SNTG1: variants seen among roughly 807,000 people sequenced by gnomAD.
SNTG1 encodes the protein syntrophin gamma 1.
SNTG1 carries 39 observed loss-of-function variants against 74.7 expected under a neutral mutation model. The ratio of observed to expected loss-of-function variants is 0.52; its 90% CI spans 0.40 to 0.68. The LOEUF (loss-of-function observed/expected upper bound fraction) is 0.68, where lower values mean the gene tolerates loss of function less well. Ranked by LOEUF, SNTG1 falls within the 30% of genes least tolerant of loss-of-function variation. The pLI, the probability that SNTG1 is intolerant of heterozygous loss-of-function variation, is 0.00. For missense variants in SNTG1, 685 were observed against 609.5 expected, an observed-to-expected ratio of 1.12 and a Z score of -1.30; for synonymous variants, 254 against 217.1, an observed-to-expected ratio of 1.17 and a Z score of -1.49.
intron 2 of SNTG1, among the ~76,000 whole-genome samples, chr8:50,250,634 C>T (rs2086605974): frequency 1.3e-5 from 2 of 152,012 alleles, no homozygotes. Flanking sequence ...AGAATCTCTG[C>T]ATGCCAGGAA....
At chr8:50,089,259 G>A (rs1488910393) in intron 1 of SNTG1, among the ~76,000 whole-genome samples, 4 of 152,112 alleles carry the variant, frequency 2.6e-5, no homozygotes, top group Non-Finnish European at 5.9e-5. Flanking sequence ...ATTAATTCAA[G>A]ATGGATTAAA....
intron 2 of SNTG1, among the ~76,000 whole-genome samples, chr8:50,186,613 T>C (rs2083393209): frequency 6.6e-6 from 1 of 152,218 alleles, no homozygotes; most frequent in African/African-American, 2.4e-5. Flanking sequence ...TTTACATGTC[T>C]CTAATGATCA....
intron 4 of SNTG1, 97 bp downstream of exon 4, chr8:50,402,441 T>A: frequency 7.2e-7 from 1 of 1,392,544 alleles, no homozygotes; most frequent in Non-Finnish European, 9.7e-7. Flanking sequence ...TTTCTTTCAG[T>A]GTCTAGTCAA....
At chr8:50,769,052 T>C (rs1253067455) in intron 18 of SNTG1, among the ~76,000 whole-genome samples, 1 of 151,956 alleles carries the variant, frequency 6.6e-6, no homozygotes, top group Non-Finnish European at 1.5e-5. Context: ...TATTTTTATT[T>C]TTCATTGATA....
chr8:50,088,585 A>T (rs1041906356), intron 1 of SNTG1, among the ~76,000 whole-genome samples: 6 of 132,334 alleles, frequency 4.5e-5, no homozygotes, highest in African/African-American at 1.5e-4. Context: ...ATGCACAAAA[A>T]TCACAAGCAT....
At chr8:50,101,036 G>A (rs1457925087) in intron 1 of SNTG1, among the ~76,000 whole-genome samples, 1 of 151,994 alleles carries the variant, frequency 6.6e-6, no homozygotes, top group Non-Finnish European at 1.5e-5. Flanking sequence ...ATGGTATTTG[G>A]TTTTCTGTTC....
chr8:50,002,162 T>C (rs1043393773), intron 1 of SNTG1, among the ~76,000 whole-genome samples: 5 of 152,166 alleles, frequency 3.3e-5, no homozygotes, highest in Admixed American at 2.0e-4. Flanking sequence ...GAGAATAAGA[T>C]GTTGCAGGAA....
chr8:50,165,832 A>C, intron 1 of SNTG1, among the ~76,000 whole-genome samples: 1 of 152,310 alleles, frequency 6.6e-6, no homozygotes, highest in Non-Finnish European at 1.5e-5. Context: ...AATGTCATCC[A>C]ATTATGCTGG....
chr8:50,510,281 G>T (rs1198444891), intron 9 of SNTG1, among the ~76,000 whole-genome samples: 2 of 152,132 alleles, frequency 1.3e-5, no homozygotes, highest in Non-Finnish European at 2.9e-5. Context: ...GATCATGTTG[G>T]ATAAGCTTTT....
chr8:50,693,600 G>A (rs1046943966), intron 15 of SNTG1, among the ~76,000 whole-genome samples: 8 of 152,198 alleles, frequency 5.3e-5, no homozygotes, highest in South Asian at 2.1e-4. Context: ...TGAACAATGC[G>A]TTAGACCAAA....
Position 50,522,911 on chromosome 8 carries a change from ATCT to A in SNTG1, c.467-7259_467-7257del, listed in dbSNP as rs778816111. On this transcript the variant is annotated intron_variant, in intron 9 of 18. Transcript: ENST00000642720. ...TTTACCTATGAAAGTCTTAGATGTC[ATCT>A]TCTTCTAATATGAGGCTATTTAATG... Among the ~76,000 whole-genome samples, 7 of 152,262 alleles carry A rather than the reference ATCT, an allele frequency of 4.6e-5. No individual in the cohort carries two copies. The South Asian group carries it at 1.5e-3, about 32-fold the overall frequency.
chr8:50,766,535 G>T (rs2095614430), intron 18 of SNTG1, among the ~76,000 whole-genome samples: 1 of 151,842 alleles, frequency 6.6e-6, no homozygotes, highest in Non-Finnish European at 1.5e-5. Flanking sequence ...ATGAGACCAG[G>T]CTTGTTTTAG....
chr8:50,587,761 A>G lies in SNTG1; in HGVS notation c.811-3118A>G, dbSNP rs2094661044. Among the ~76,000 whole-genome samples, 7 of 145,868 alleles carry G rather than the reference A, an allele frequency of 4.8e-5. No individual in the cohort carries two copies. The South Asian group carries it at 1.5e-3, about 32-fold the overall frequency. On this transcript the variant is annotated intron_variant, in intron 12 of 18. Transcript: ENST00000642720. Reference sequence around the variant, plus strand: ...AATCGCTTGAACCCGGGAGGCGGAGATTGCCAGCCTGGGGGACGAGAGTGA... The same window carrying G: ...AATCGCTTGAACCCGGGAGGCGGAGGTTGCCAGCCTGGGGGACGAGAGTGA...
intron 2 of SNTG1, among the ~76,000 whole-genome samples, chr8:50,277,621 AATAG>A (rs951298464): frequency 1.3e-5 from 2 of 152,152 alleles, no homozygotes; most frequent in Non-Finnish European, 2.9e-5. Context: ...CATTGGTATA[AATAG>A]ATATTCATTC....
chr8:50,654,539 G>T (rs1267596244), intron 13 of SNTG1, among the ~76,000 whole-genome samples: 1 of 152,060 alleles, frequency 6.6e-6, no homozygotes, highest in African/African-American at 2.4e-5. Flanking sequence ...TATCTGAAAT[G>T]CCTAAATATT....
intron 8 of SNTG1, among the ~76,000 whole-genome samples, chr8:50,487,603 T>G (rs1010977512): frequency 6.7e-6 from 1 of 149,770 alleles, no homozygotes; most frequent in Non-Finnish European, 1.5e-5. Flanking sequence ...AACCAAACAC[T>G]GCATATTCTC....
intron 2 of SNTG1, among the ~76,000 whole-genome samples, chr8:50,356,277 C>A (rs1256329953): frequency 4.6e-5 from 7 of 152,012 alleles, no homozygotes; most frequent in Non-Finnish European, 1.0e-4. Context: ...GGGGTTCAAG[C>A]CTCTCTTAAC....
chr8:50,128,122 G>A (rs1200556219), intron 1 of SNTG1, among the ~76,000 whole-genome samples: 1 of 152,022 alleles, frequency 6.6e-6, no homozygotes, highest in Non-Finnish European at 1.5e-5. Context: ...TCTCCACTGA[G>A]GAATCACAAT....
chr8:50,055,262 A>G (rs1311342727), intron 1 of SNTG1, among the ~76,000 whole-genome samples: 1 of 152,122 alleles, frequency 6.6e-6, no homozygotes, highest in Non-Finnish European at 1.5e-5. Context: ...TTAAGACTTT[A>G]TAGTATTTAT....
Sources: allele counts gnomAD v4.1 joint callset (sites outside exome capture counted in the v4.1 genomes callset), GRCh38; gene constraint gnomAD v4.1.1; transcripts MANE v1.5; gene names NCBI Gene and HGNC (gene_info 2026-07-23, HGNC 2026-07-21).